The following CNTN2 variants were observed in gnomAD, a reference collection of about 807,000 sequenced individuals.
CNTN2 encodes the protein contactin-2.
CNTN2 carries 53 observed loss-of-function variants against 117.5 expected under a neutral mutation model. That is an observed-to-expected ratio of 0.45 (90% CI 0.36 to 0.57). The LOEUF is 0.57. Ranked by LOEUF, CNTN2 falls within the 20% of genes least tolerant of loss-of-function variation. CNTN2 has a pLI of 0.00. For missense variants in CNTN2, 1,106 were observed against 1,404.3 expected (o/e 0.79, Z 3.39); for synonymous variants, 530 against 561.7 (o/e 0.94, Z 0.80).
At chr1:205,050,897 G>A (rs773848783) in intron 1 of CNTN2, among the ~76,000 whole-genome samples, 13 of 152,358 alleles carry the variant, frequency 8.5e-5, no homozygotes, top group Non-Finnish European at 1.3e-4. Context: ...GGGATTACAG[G>A]CGTGAGCCAC....
chr1:205,062,352 A>C (rs548368851), intron 9 of CNTN2, 88 bp from the exon 10 acceptor site: 1 of 1,489,640 alleles, frequency 6.7e-7, no homozygotes, highest in Admixed American at 2.1e-5. Flanking sequence ...ATCAGCCTAG[A>C]GTCTCCACTG....
At chr1:205,067,351 C>T in intron 16 of CNTN2, 101 bp downstream of exon 16, 1 of 1,423,460 alleles carries the variant, frequency 7.0e-7, no homozygotes, top group South Asian at 1.4e-5. Context: ...GAGTTCCAAC[C>T]CTGCTCACAG....
At position 205,059,921 on chromosome 1, in the gene CNTN2, C is replaced by A. The variant is rs1653885199; in HGVS notation, c.797+239C>A. 1 of 532,252 alleles carries A rather than the reference C, an allele frequency of 1.9e-6. No individual in the cohort carries two copies. The highest frequency in any genetic ancestry group is 3.3e-5 in the Admixed American group (1 of 30,670). 33.0% of individuals were successfully genotyped at this position (532,252 alleles called of 1,614,324 possible). A position where few individuals can be genotyped will look rare whatever the true frequency, so the allele number is the denominator to read the frequency against. On this transcript the variant is annotated intron_variant, in intron 7 of 22. Transcript: ENST00000331830. The surrounding 1 kb of genome is among the most constrained non-coding windows in gnomAD (Gnocchi z 5.6). ...CACTTGGTCTTCCAGCAGTGCATGG[C>A]AGGCTCAGACAGCTTGAGTAACACC...
Position 205,067,397 on chromosome 1 carries a change from A to G in CNTN2, c.2125+147A>G, listed in dbSNP as rs888283967. The G allele has an allele frequency of 7.2e-6, 7 of 967,102 alleles. No individual in the cohort carries two copies. The African/African-American group carries it at 9.9e-5, about 14-fold the overall frequency. The allele number at this position is 967,102 out of a possible 1,614,324, so 59.9% of individuals were successfully genotyped here. On this transcript the variant is annotated intron_variant, in intron 16 of 22. Coordinates refer to ENST00000331830, the MANE Select transcript of CNTN2 (RefSeq NM_005076.5). ...CTCACAAAACAGAGGAGGACAGAAC[A>G]CCAAGTTGGGACCAGGGCCACTGCA...
At position 205,061,853 on chromosome 1, in the gene CNTN2, G is replaced by C. The variant is rs201080048; in HGVS notation, c.974-12G>C. On this transcript the variant is annotated splice_polypyrimidine_tract_variant and intron_variant, in intron 8 of 22. Coordinates refer to ENST00000331830, the MANE Select transcript of CNTN2 (RefSeq NM_005076.5). This position sits in a 1 kb window ranked among gnomAD's most constrained non-coding sequence, Gnocchi z 4.8. ...TAGCTCATGCCAGGTTTTCTTTTCCGGGCTCCCACAGCTCAGCCTGAGTGG... is the reference window on the plus strand; with the variant it reads ...TAGCTCATGCCAGGTTTTCTTTTCCCGGCTCCCACAGCTCAGCCTGAGTGG... 2.9e-5 allele frequency: 44 copies of C among 1,499,434 alleles called. No individual in the cohort carries two copies. The highest frequency in any genetic ancestry group is 3.6e-4 in the Middle Eastern group (2 of 5,524). The allele number at this position is 1,499,434 out of a possible 1,614,324, so 92.9% of individuals were successfully genotyped here.
At chr1:205,054,289 G>C (rs1377554051) in intron 2 of CNTN2, among the ~76,000 whole-genome samples, 1 of 152,188 alleles carries the variant, frequency 6.6e-6, no homozygotes, top group Non-Finnish European at 1.5e-5. Flanking sequence ...CACGAGGGAG[G>C]GACTCCACTG....
rs1407066972 is a variant in CNTN2 at position 205,048,753 on chromosome 1, A to G, written c.-86-4347A>G. Among the ~76,000 whole-genome samples, 2 of 152,232 alleles carry G rather than the reference A, an allele frequency of 1.3e-5. No homozygotes were observed. Among genetic ancestry groups the G allele is most frequent in the Admixed American group, 1.3e-4 (2 of 15,292 alleles). ...CACTCGGGCGGTCGGGGAGCTCTGT[A>G]GAGGCAGTAATTTTATTACTGTCTC... On this transcript the variant is annotated intron_variant, in intron 1 of 22. Coordinates refer to ENST00000331830, the MANE Select transcript of CNTN2 (RefSeq NM_005076.5). This position sits in a 1 kb window ranked among gnomAD's most constrained non-coding sequence, Gnocchi z 4.1.
chr1:205,073,434 G>A lies in CNTN2; in HGVS notation c.3013+198G>A. The A allele has an allele frequency of 8.9e-6, 7 of 783,102 alleles. No individual in the cohort carries two copies. The highest frequency in any genetic ancestry group is 1.7e-5 in the African/African-American group (1 of 57,464). The allele number at this position is 783,102 out of a possible 1,614,324, so 48.5% of individuals were successfully genotyped here. Reference sequence around the variant, plus strand: ...CCCAGCCCCCAGAACATCCCCGAGGGCCAGGGAAGGGCGCAGGGTGCAGGG... The same window carrying A: ...CCCAGCCCCCAGAACATCCCCGAGGACCAGGGAAGGGCGCAGGGTGCAGGG... On this transcript the variant is annotated intron_variant, in intron 22 of 22. Transcript: ENST00000331830. The surrounding 1 kb of genome is among the most constrained non-coding windows in gnomAD (Gnocchi z 6.3).
At chr1:205,047,805 T>C (rs1295445446) in intron 1 of CNTN2, among the ~76,000 whole-genome samples, 2 of 152,148 alleles carry the variant, frequency 1.3e-5, no homozygotes, top group Non-Finnish European at 2.9e-5. Flanking sequence ...AGATCTGATC[T>C]TTCCTGAGCA....
intron 1 of CNTN2, 34 bp from the exon 2 acceptor site, chr1:205,053,066 G>A (rs1468372176): frequency 7.7e-6 from 5 of 651,942 alleles, no homozygotes; most frequent in East Asian, 3.0e-5. Flanking sequence ...GGCGCTCCTC[G>A]GCTCAGAGCC....
rs559420753 is a variant in CNTN2, at chr1:205,064,266, A to C, written c.1241-56A>C. 20 of 1,507,744 alleles carry C rather than the reference A, an allele frequency of 1.3e-5. No individual in the cohort carries two copies. The African/African-American group carries it at 2.1e-4, about 16-fold the overall frequency. The allele number at this position is 1,507,744 out of a possible 1,614,324, so 93.4% of individuals were successfully genotyped here. Reference sequence around the variant, plus strand: ...GTGGCTTCAAAGGGCACGCCAAGTAACGTCTTAATCAAGGGTGACAGTACT... The same window carrying C: ...GTGGCTTCAAAGGGCACGCCAAGTACCGTCTTAATCAAGGGTGACAGTACT... On this transcript the variant is annotated intron_variant, in intron 10 of 22. Transcript: ENST00000331830.
intron 1 of CNTN2, among the ~76,000 whole-genome samples, chr1:205,047,320 T>C (rs2096443294): frequency 6.6e-6 from 1 of 151,576 alleles, no homozygotes; most frequent in Admixed American, 6.6e-5. Context: ...CCCGCTGAGA[T>C]CCTAGCAGCC....
chr1:205,074,302 C>G lies in CNTN2; in HGVS notation c.*537C>G, dbSNP rs554975483. 7.4e-6 allele frequency: 3 copies of G among 402,700 alleles called. No homozygotes were observed. Among genetic ancestry groups the G allele is most frequent in the Admixed American group, 4.2e-5 (1 of 23,728 alleles). 24.9% of individuals were successfully genotyped at this position (402,700 alleles called of 1,614,324 possible). A position where few individuals can be genotyped will look rare whatever the true frequency, so the allele number is the denominator to read the frequency against. The stretch of plus-strand genomic sequence containing the variant: ...GCAGCAAGGACCCTGACGCTGTCCC[C>G]GATAACTCCCTAGGGGCTCCTGCCT... On this transcript the variant is annotated 3_prime_UTR_variant, in exon 23 of 23. Coordinates refer to ENST00000331830, the MANE Select transcript of CNTN2 (RefSeq NM_005076.5).
At chr1:205,044,693 T>G (rs1442265167) in intron 1 of CNTN2, among the ~76,000 whole-genome samples, 1 of 152,142 alleles carries the variant, frequency 6.6e-6, no homozygotes, top group Non-Finnish European at 1.5e-5. Flanking sequence ...CCTCCGAGTC[T>G]CTCTACCTCC....
At chr1:205,068,464 C>CT (rs1654419669) in intron 16 of CNTN2, 1 of 152,206 alleles carries the variant, frequency 6.6e-6, no homozygotes, top group Non-Finnish European at 1.5e-5. Flanking sequence ...AGAGGCAGCA[C>CT]TTTCTTTGAT....
Position 205,061,231 on chromosome 1 carries a change from G to T in CNTN2, c.798-14G>T. On this transcript the variant is annotated splice_polypyrimidine_tract_variant and intron_variant, in intron 7 of 22. Coordinates refer to ENST00000331830, the MANE Select transcript of CNTN2 (RefSeq NM_005076.5). The surrounding 1 kb of genome is among the most constrained non-coding windows in gnomAD (Gnocchi z 4.8). ...AGCTCAGCCCACACCCTCTGGCTTT[G>T]TCTCTCCTGCCAGCCCTGTCCCCCG... The T allele has an allele frequency of 6.3e-7, 1 of 1,597,118 alleles. No individual in the cohort carries two copies.
rs1246001866 is a variant in CNTN2 at position 205,066,533 on chromosome 1, C to G, written c.1909C>G (p.Pro637Ala). ...SWSRGFDNHS[P>A]IAKYTLQART... Reference sequence around the variant, plus strand: ...GAGCCGTGGCTTCGACAACCACAGCCCCATCGCTAAGTACACCCTGCAAGC... The same window carrying G: ...GAGCCGTGGCTTCGACAACCACAGCGCCATCGCTAAGTACACCCTGCAAGC... The change falls in exon 15 of 23, where the codon CCC becomes GCC. Residue 637 changes from proline (P) to alanine (A), a missense_variant. Transcript: ENST00000331830. 6.2e-7 allele frequency: 1 copy of G among 1,613,990 alleles called. No individual in the cohort carries two copies. The highest frequency in any genetic ancestry group is 1.3e-5 in the African/African-American group (1 of 74,924).
chr1:205,069,609 C>T (rs1398103221), intron 17 of CNTN2, 48 bp downstream of exon 17: 1 of 1,584,516 alleles, frequency 6.3e-7, no homozygotes, highest in African/African-American at 1.3e-5. Flanking sequence ...TGACCCCTCT[C>T]CCGCTTGAGC....
Position 205,059,500 on chromosome 1 carries a change from T to C in CNTN2, c.698-83T>C, listed in dbSNP as rs1653852709. 1 of 1,373,898 alleles carries C rather than the reference T, an allele frequency of 7.3e-7. No individual in the cohort carries two copies. The highest frequency in any genetic ancestry group is 1.7e-5 in the Admixed American group (1 of 59,144). The allele number at this position is 1,373,898 out of a possible 1,614,324, so 85.1% of individuals were successfully genotyped here. On this transcript the variant is annotated intron_variant, in intron 6 of 22. Coordinates refer to ENST00000331830, the MANE Select transcript of CNTN2 (RefSeq NM_005076.5). This position sits in a 1 kb window ranked among gnomAD's most constrained non-coding sequence, Gnocchi z 5.6. ...ACACAGCTGCCTAGACAGAGTTGGC[T>C]CTGAAAGGTGCTGAGATCCCATGCA... is the stretch of plus-strand genomic sequence containing the variant.
Sources: allele counts gnomAD v4.1 joint callset (sites outside exome capture counted in the v4.1 genomes callset), GRCh38; gene constraint gnomAD v4.1.1; non-coding constraint Gnocchi (gnomAD v3.1); transcripts MANE v1.5; gene names NCBI Gene and HGNC (gene_info 2026-07-23, HGNC 2026-07-21).